RAP1GAP2: variants seen among roughly 807,000 people sequenced by gnomAD.
RAP1GAP2 encodes rap1 GTPase-activating protein 2.
A neutral mutation model predicts 95.0 loss-of-function variants in RAP1GAP2; 27 were observed. That is an observed-to-expected ratio of 0.28 (90% CI 0.21 to 0.39). RAP1GAP2 has a LOEUF of 0.39. Ranked by LOEUF, RAP1GAP2 falls within the 10% of genes least tolerant of loss-of-function variation. The pLI is 1.00. For missense variants in RAP1GAP2, 771 were observed against 970.0 expected (o/e 0.79, Z 2.72); for synonymous variants, 373 against 380.9 (o/e 0.98, Z 0.24).
chr17:2,846,187 G>GA (rs113651847), intron 2 of RAP1GAP2, among the ~76,000 whole-genome samples: 190 of 130,600 alleles, frequency 1.5e-3, no homozygotes, highest in South Asian at 2.7e-3. Context: ...TGTCTCAATT[G>GA]AAAAAAAAAA....
At chr17:2,992,042 C>A (rs999715709) in intron 12 of RAP1GAP2, among the ~76,000 whole-genome samples, 2 of 151,950 alleles carry the variant, frequency 1.3e-5, no homozygotes, top group Non-Finnish European at 2.9e-5. Context: ...CTAGGATTAC[C>A]GGCGTGAGCC....
intron 2 of RAP1GAP2, among the ~76,000 whole-genome samples, chr17:2,898,775 T>C (rs1027166719): frequency 6.6e-6 from 1 of 152,222 alleles, no homozygotes; most frequent in Non-Finnish European, 1.5e-5. Context: ...GCCATGTTTT[T>C]GCAGCGTACC....
intron 14 of RAP1GAP2, among the ~76,000 whole-genome samples, chr17:2,998,852 G>A (rs1192510876): frequency 1.3e-5 from 2 of 152,310 alleles, no homozygotes; most frequent in East Asian, 1.9e-4. Context: ...CCATTTGCTC[G>A]AGTAAGGCAG....
intron 14 of RAP1GAP2, among the ~76,000 whole-genome samples, chr17:3,002,119 T>C (rs568473592): frequency 7.6e-4 from 115 of 152,250 alleles, no homozygotes; most frequent in Non-Finnish European, 1.4e-3. Context: ...CCCACCACCA[T>C]GCCCGGCTAA....
In RAP1GAP2 at chr17:3,034,913, A is replaced by G. The variant is rs2047431355; in HGVS notation, c.*1552A>G. On this transcript the variant is annotated 3_prime_UTR_variant, in exon 25 of 25. Transcript: ENST00000254695. This position sits in a 1 kb window ranked among gnomAD's most constrained non-coding sequence, Gnocchi z 5.1. ...ACCTGCCCCACGACCAATGACAAGG[A>G]TTTCCAGCTGAATGCTTTATTCCCA... The G allele has an allele frequency of 6.6e-6, 1 of 151,522 alleles. No individual in the cohort carries two copies. Among genetic ancestry groups the G allele is most frequent in the African/African-American group, 2.4e-5 (1 of 41,134 alleles). The allele number at this position is 151,522 out of a possible 1,614,324, so 9.4% of individuals were successfully genotyped here.
At chr17:2,935,769 G>T (rs572447273) in intron 3 of RAP1GAP2, among the ~76,000 whole-genome samples, 2 of 152,290 alleles carry the variant, frequency 1.3e-5, no homozygotes, top group East Asian at 3.9e-4. Flanking sequence ...CAAGTGAGGC[G>T]CGAGGCCTCA....
chr17:2,931,254 G>A (rs1469774776), intron 3 of RAP1GAP2, among the ~76,000 whole-genome samples: 1 of 150,900 alleles, frequency 6.6e-6, no homozygotes. Context: ...GGCTAGGCGT[G>A]TATGTTTGCC....
intron 3 of RAP1GAP2, among the ~76,000 whole-genome samples, chr17:2,957,259 A>G (rs1427915660): frequency 6.6e-6 from 1 of 152,106 alleles, no homozygotes; most frequent in African/African-American, 2.4e-5. Flanking sequence ...GGGCAGGCAG[A>G]GGCAGAGGTG....
chr17:3,009,822 A>G (rs997283232), intron 17 of RAP1GAP2, among the ~76,000 whole-genome samples: 3 of 152,150 alleles, frequency 2.0e-5, no homozygotes, highest in Non-Finnish European at 2.9e-5. Context: ...GCAGAAGAAG[A>G]GGAACGGGAG....
chr17:2,927,276 C>T (rs1259016680), intron 3 of RAP1GAP2, among the ~76,000 whole-genome samples: 1 of 151,866 alleles, frequency 6.6e-6, no homozygotes. Context: ...GCCTCAGCCT[C>T]CCGAGTAGCT....
rs1028031170 is a variant in RAP1GAP2 at position 2,800,432 on chromosome 17, G to A, written c.45-83G>A. The A allele has an allele frequency of 4.8e-6, 5 of 1,044,654 alleles. No individual in the cohort carries two copies. The Admixed American group carries it at 7.2e-5, about 15-fold the overall frequency. The allele number at this position is 1,044,654 out of a possible 1,614,324, so 64.7% of individuals were successfully genotyped here. A position where few individuals can be genotyped will look rare whatever the true frequency, so the allele number is the denominator to read the frequency against. On this transcript the variant is annotated intron_variant, in intron 1 of 24. Transcript: ENST00000254695. ...GCCCTGCTGTCTGGTGGTTTGGGCT[G>A]TCCCGGGGACTCCTCCATACAGATG... is the stretch of plus-strand genomic sequence containing the variant.
chr17:2,829,482 C>T (rs908693393), intron 2 of RAP1GAP2, among the ~76,000 whole-genome samples: 1 of 152,156 alleles, frequency 6.6e-6, no homozygotes, highest in African/African-American at 2.4e-5. Context: ...GACCCACCTC[C>T]CAGTGCCATG....
chr17:2,981,238 T>G lies in RAP1GAP2; in HGVS notation c.719T>G (p.Leu240Arg). Reference sequence around the variant, plus strand: ...GTGGGACTGAGATTCAATCCTGTCCTGTACCCCAAGGTAAGGACCTTCATG... The same window carrying G: ...GTGGGACTGAGATTCAATCCTGTCCGGTACCCCAAGGTAAGGACCTTCATG... ...DAVGLRFNPV[L>R]YPKASQMIVS... The change falls in exon 10 of 25, where the codon CTG (leucine) becomes CGG (arginine). Residue 240 changes from leucine to arginine, a missense_variant. By Grantham distance (102) the Leu-to-Arg change is moderately radical. Coordinates refer to ENST00000254695, the MANE Select transcript of RAP1GAP2 (RefSeq NM_015085.5). 6.2e-7 allele frequency: 1 copy of G among 1,611,606 alleles called. No individual in the cohort carries two copies. Among genetic ancestry groups the G allele is most frequent in the Non-Finnish European group, 8.5e-7 (1 of 1,178,738 alleles).
chr17:2,806,376 T>TTTTTTATTATTATTATTATTA (rs150744972), intron 2 of RAP1GAP2, among the ~76,000 whole-genome samples: 123 of 139,946 alleles, frequency 8.8e-4, no homozygotes, highest in Non-Finnish European at 1.3e-3. Context: ...CTACAACCTT[T>TTTTTTATTATTATTATTATTA]TTATTATTAT....
At chr17:2,915,332 G>A (rs2042537848) in intron 3 of RAP1GAP2, among the ~76,000 whole-genome samples, 1 of 151,222 alleles carries the variant, frequency 6.6e-6, no homozygotes, top group South Asian at 2.1e-4. Context: ...CTGGGCTCAA[G>A]CCATCCTTCC....
intron 8 of RAP1GAP2, among the ~76,000 whole-genome samples, chr17:2,968,771 C>A (rs2044722628): frequency 1.3e-5 from 2 of 151,986 alleles, no homozygotes; most frequent in Admixed American, 6.6e-5. Flanking sequence ...CTCCAAAAAA[C>A]CTACACAAAT....
intron 2 of RAP1GAP2, among the ~76,000 whole-genome samples, chr17:2,826,740 G>A (rs1325533071): frequency 3.9e-5 from 6 of 152,192 alleles, no homozygotes; most frequent in African/African-American, 1.2e-4. Flanking sequence ...GGGCGCGGTG[G>A]CTCACGCCTG....
intron 3 of RAP1GAP2, among the ~76,000 whole-genome samples, chr17:2,919,113 G>A (rs2042668660): frequency 1.3e-5 from 2 of 152,268 alleles, no homozygotes; most frequent in Middle Eastern, 3.4e-3. Context: ...GATTGAAATT[G>A]CATTTTGTGT....
chr17:3,023,747 C>T (rs2151652850), intron 19 of RAP1GAP2, among the ~76,000 whole-genome samples: 1 of 152,262 alleles, frequency 6.6e-6, no homozygotes, highest in South Asian at 2.1e-4. Context: ...ATCAACCCGT[C>T]ATCTAGGTTT....
Sources: gnomAD v4.1 joint callset for allele counts (sites outside exome capture counted in the v4.1 genomes callset) on GRCh38, gnomAD v4.1.1 for gene constraint, Gnocchi (gnomAD v3.1) non-coding constraint, MANE v1.5 for transcripts, NCBI Gene and HGNC (gene_info 2026-07-23, HGNC 2026-07-21) for gene names.